ZNF536: variants seen among roughly 807,000 people sequenced by gnomAD.
ZNF536 encodes zinc finger protein 536.
A neutral mutation model predicts 84.5 loss-of-function variants in ZNF536; 13 were observed. The observed-to-expected ratio is 0.15, with a 90% CI of 0.10 to 0.24. ZNF536 has a LOEUF of 0.24. Among genes scored for constraint, ZNF536 ranks in the 10% least tolerant of loss-of-function variants. The pLI is 1.00. For missense variants in ZNF536, 1,536 were observed against 1,747.5 expected (o/e 0.88, Z 2.16); for synonymous variants, 811 against 742.5 (o/e 1.09, Z -1.50).
In ZNF536 at chr19:30,557,217, C is replaced by T. The variant is rs2146374415; in HGVS notation, c.*53C>T. 12 of 1,604,164 alleles carry T rather than the reference C, an allele frequency of 7.5e-6. No homozygotes were observed. The highest frequency in any genetic ancestry group is 6.6e-5 in the South Asian group (6 of 90,434). On this transcript the variant is annotated 3_prime_UTR_variant, in exon 5 of 5. Coordinates refer to ENST00000355537, the MANE Select transcript of ZNF536 (RefSeq NM_014717.3). Reference sequence around the variant, plus strand: ...GACTTGCCCTTGTCTGTTCGTGGTCCTCGGTGGTTATCTGCAGCTTGTTAA... The same window carrying T: ...GACTTGCCCTTGTCTGTTCGTGGTCTTCGGTGGTTATCTGCAGCTTGTTAA...
chr19:30,293,372 T>C (rs1490708808), intron 2 of ZNF536, among the ~76,000 whole-genome samples: 6 of 152,218 alleles, frequency 3.9e-5, no homozygotes, highest in Non-Finnish European at 4.4e-5. Context: ...TTAATTGATT[T>C]TACATATTTC....
chr19:30,341,967 A>T (rs1039236648), intron 2 of ZNF536, among the ~76,000 whole-genome samples: 3 of 152,242 alleles, frequency 2.0e-5, no homozygotes, highest in Non-Finnish European at 4.4e-5. Context: ...TCATTAGCAT[A>T]TTTGGATCAG....
chr19:30,506,346 T>A (rs1285682388), intron 2 of ZNF536, among the ~76,000 whole-genome samples: 1 of 152,170 alleles, frequency 6.6e-6, no homozygotes, highest in Non-Finnish European at 1.5e-5. Flanking sequence ...TGACAATGAT[T>A]CTTGAAGAAA....
chr19:30,638,108 GTGTTGACAC>G (rs1053162422), intron 1 of ZNF536, among the ~76,000 whole-genome samples: 1 of 152,114 alleles, frequency 6.6e-6, no homozygotes, highest in African/African-American at 2.4e-5. Flanking sequence ...CAGATCTGTT[GTGTTGACAC>G]TGCTTCTGGT....
intron 2 of ZNF536, among the ~76,000 whole-genome samples, chr19:30,457,072 A>G (rs2052889652): frequency 6.6e-6 from 1 of 151,992 alleles, no homozygotes; most frequent in Non-Finnish European, 1.5e-5. Context: ...AAAAAGATGA[A>G]TAGAGATGCA....
At chr19:30,345,278 G>A (rs542988880) in intron 2 of ZNF536, among the ~76,000 whole-genome samples, 18 of 152,180 alleles carry the variant, frequency 1.2e-4, no homozygotes, top group Non-Finnish European at 2.6e-4. Context: ...TCCTTTCTCT[G>A]TTCCTGTCCC....
At chr19:30,584,329 A>G (rs2047023449) in intron 1 of ZNF536, among the ~76,000 whole-genome samples, 1 of 152,148 alleles carries the variant, frequency 6.6e-6, no homozygotes, top group African/African-American at 2.4e-5. Flanking sequence ...TTACACTTTC[A>G]AATCCCCCAG....
rs187837122 is a variant in ZNF536, at chr19:30,433,523, G to A, written c.-2-10038G>A. Among the ~76,000 whole-genome samples, 196 of 152,270 alleles carry A rather than the reference G, an allele frequency of 1.3e-3. 2 individuals are homozygous for A. Among genetic ancestry groups the A allele is most frequent in the African/African-American group, 4.6e-3 (190 of 41,554 alleles). On this transcript the variant is annotated intron_variant, in intron 1 of 4. Coordinates refer to ENST00000355537, the MANE Select transcript of ZNF536 (RefSeq NM_014717.3). The stretch of plus-strand genomic sequence containing the variant: ...TTTGTTTGTTTGATTTTGAGACAGA[G>A]TTCCGCTCTTGTTGCCCAGGCTGGA...
intron 2 of ZNF536, among the ~76,000 whole-genome samples, chr19:30,314,680 G>A (rs1229029738): frequency 6.6e-6 from 1 of 152,078 alleles, no homozygotes; most frequent in Non-Finnish European, 1.5e-5. Flanking sequence ...CGCTGGGGAG[G>A]TCCCTTCTCT....
intron 3 of ZNF536, among the ~76,000 whole-genome samples, chr19:30,359,304 G>A (rs1212951214): frequency 6.6e-6 from 1 of 152,206 alleles, no homozygotes; most frequent in Non-Finnish European, 1.5e-5. Context: ...TCTCTGCAAG[G>A]AGTGGCCAGT....
intron 1 of ZNF536, among the ~76,000 whole-genome samples, chr19:30,705,868 G>A (rs10518272): frequency 0.022 from 3,320 of 152,286 alleles, 41 homozygotes; most frequent in Non-Finnish European, 0.038. Context: ...GACCAGTGAA[G>A]TATCCAAATC....
At chr19:30,674,023 A>G (rs1242669430) in intron 1 of ZNF536, among the ~76,000 whole-genome samples, 2 of 152,150 alleles carry the variant, frequency 1.3e-5, no homozygotes, top group African/African-American at 4.8e-5. Context: ...AGATGGTCAG[A>G]TTTATGGGTT....
chr19:30,265,571 T>C (rs989574110), intron 1 of ZNF536, among the ~76,000 whole-genome samples: 3 of 152,160 alleles, frequency 2.0e-5, no homozygotes, highest in African/African-American at 7.2e-5. Context: ...GGGCAGGAAC[T>C]GGGGAGACGC....
At chr19:30,711,715 T>C (rs1286476517) in exon 2 of ZNF536, 8 of 152,100 alleles carry the variant, frequency 5.3e-5, no homozygotes, top group Non-Finnish European at 1.2e-4. Context: ...TGATGAGTAA[T>C]TCCTTTTTTT....
intron 1 of ZNF536, among the ~76,000 whole-genome samples, chr19:30,612,855 G>A (rs1189602117): frequency 6.6e-6 from 1 of 152,128 alleles, no homozygotes; most frequent in African/African-American, 2.4e-5. Flanking sequence ...TTTCACCAGT[G>A]GCCCACTAAT....
chr19:30,498,676 G>C (rs1467217445), intron 2 of ZNF536, among the ~76,000 whole-genome samples: 1 of 152,222 alleles, frequency 6.6e-6, no homozygotes, highest in Non-Finnish European at 1.5e-5. Flanking sequence ...TGAAGACAGA[G>C]AGGAATGCAT....
intron 2 of ZNF536, among the ~76,000 whole-genome samples, chr19:30,508,805 T>C (rs1288209035): frequency 1.4e-5 from 2 of 141,110 alleles, no homozygotes; most frequent in Admixed American, 6.9e-5. Context: ...TCTTTTCTCT[T>C]TTCTTTCTTT....
chr19:30,297,912 C>T (rs567987048), intron 2 of ZNF536, among the ~76,000 whole-genome samples: 5 of 147,144 alleles, frequency 3.4e-5, no homozygotes, highest in African/African-American at 5.3e-5. Flanking sequence ...GTCCCCCCCC[C>T]CTCTGTCGCC....
intron 1 of ZNF536, among the ~76,000 whole-genome samples, chr19:30,685,601 TA>T (rs916648731): frequency 6.6e-6 from 1 of 152,092 alleles, no homozygotes; most frequent in African/African-American, 2.4e-5. Flanking sequence ...GTCACGATTT[TA>T]AAAAAATAAA....
Sources: gnomAD v4.1 joint callset for allele counts (sites outside exome capture counted in the v4.1 genomes callset) on GRCh38, gnomAD v4.1.1 for gene constraint, MANE v1.5 for transcripts, NCBI Gene and HGNC (gene_info 2026-07-23, HGNC 2026-07-21) for gene names.